The following NKAIN2 variants were observed in gnomAD, a reference collection of about 807,000 sequenced individuals.
NKAIN2 encodes the protein sodium/potassium transporting ATPase interacting 2.
A neutral mutation model predicts 32.6 loss-of-function variants in NKAIN2; 14 were observed. The observed-to-expected ratio is 0.43, with a 90% CI of 0.28 to 0.67. The LOEUF is 0.67. NKAIN2 is among the 30% of genes least tolerant of loss of function. NKAIN2 has a pLI of 0.17. For synonymous variants in NKAIN2, 80 were observed against 87.2 expected (o/e 0.92, Z 0.46); for missense variants, 198 against 258.3 (o/e 0.77, Z 1.60).
intron 3 of NKAIN2, among the ~76,000 whole-genome samples, chr6:124,555,712 AC>A (rs1205887918): frequency 6.6e-6 from 1 of 152,242 alleles, no homozygotes; most frequent in Non-Finnish European, 1.5e-5. Context: ...ACAGTAAAAT[AC>A]AAAAAATATA....
chr6:124,549,967 T>G (rs1024974655), intron 3 of NKAIN2, among the ~76,000 whole-genome samples: 11 of 152,214 alleles, frequency 7.2e-5, no homozygotes, highest in Non-Finnish European at 1.5e-4. Flanking sequence ...CTAACCGTTT[T>G]GGAGGAGATA....
At chr6:123,841,504 AG>A (rs1187649465) in intron 1 of NKAIN2, among the ~76,000 whole-genome samples, 36 of 152,344 alleles carry the variant, frequency 2.4e-4, no homozygotes, top group African/African-American at 8.2e-4. Flanking sequence ...TTATCACTGC[AG>A]GGACAAATTC....
intron 1 of NKAIN2, among the ~76,000 whole-genome samples, chr6:124,135,728 C>T (rs903833557): frequency 6.6e-6 from 1 of 151,840 alleles, no homozygotes; most frequent in African/African-American, 2.4e-5. Context: ...CCAAAAGGAA[C>T]CCTCAAACCT....
chr6:123,918,349 G>T (rs1439804961), intron 1 of NKAIN2, among the ~76,000 whole-genome samples: 1 of 152,154 alleles, frequency 6.6e-6, no homozygotes, highest in East Asian at 1.9e-4. Flanking sequence ...CACAAAAATT[G>T]AGGAAATACT....
At chr6:124,053,719 T>A (rs187209860) in intron 1 of NKAIN2, among the ~76,000 whole-genome samples, 1 of 152,180 alleles carries the variant, frequency 6.6e-6, no homozygotes, top group Admixed American at 6.6e-5. Context: ...GTGGTAATGT[T>A]TGAAATGGGT....
At chr6:124,598,785 G>A (rs1782195473) in intron 3 of NKAIN2, among the ~76,000 whole-genome samples, 1 of 152,006 alleles carries the variant, frequency 6.6e-6, no homozygotes, top group South Asian at 2.1e-4. Context: ...CAAAGCCATG[G>A]TTGGAACATA....
At chr6:124,533,773 A>T (rs1779615630) in intron 3 of NKAIN2, among the ~76,000 whole-genome samples, 9 of 152,192 alleles carry the variant, frequency 5.9e-5, no homozygotes, top group Admixed American at 5.9e-4. Context: ...CTAAGTAACA[A>T]ACCTTTATTT....
intron 1 of NKAIN2, among the ~76,000 whole-genome samples, chr6:124,064,942 G>A (rs1445898599): frequency 6.6e-6 from 1 of 152,100 alleles, no homozygotes; most frequent in Non-Finnish European, 1.5e-5. Flanking sequence ...CTCTGGGCTT[G>A]AATCTGGAGG....
At chr6:124,407,419 C>A (rs1773914642) in intron 3 of NKAIN2, among the ~76,000 whole-genome samples, 1 of 148,946 alleles carries the variant, frequency 6.7e-6, no homozygotes, top group African/African-American at 2.5e-5. Flanking sequence ...TTGTTCAATT[C>A]CCACCTATGA....
intron 4 of NKAIN2, among the ~76,000 whole-genome samples, chr6:124,744,554 C>T (rs538327273): frequency 7.8e-4 from 118 of 151,498 alleles, no homozygotes; most frequent in African/African-American, 2.1e-3. Context: ...CGGGGTAGGG[C>T]GAGATCTTAC....
intron 3 of NKAIN2, among the ~76,000 whole-genome samples, chr6:124,388,597 T>C (rs1583171369): frequency 6.6e-6 from 1 of 152,128 alleles, no homozygotes; most frequent in East Asian, 1.9e-4. Context: ...ACAATCAATT[T>C]TCATTATTTG....
chr6:124,807,729 T>G (rs2114849752), intron 5 of NKAIN2, among the ~76,000 whole-genome samples: 1 of 151,188 alleles, frequency 6.6e-6, no homozygotes, highest in South Asian at 2.1e-4. Context: ...TCAACAAAAT[T>G]GATAGACCGC....
intron 3 of NKAIN2, among the ~76,000 whole-genome samples, chr6:124,414,044 A>C (rs1562168843): frequency 6.6e-6 from 1 of 151,566 alleles, no homozygotes. Context: ...ATTACATTGC[A>C]CTAATTAGAA....
intron 1 of NKAIN2, among the ~76,000 whole-genome samples, chr6:124,275,399 C>T: frequency 6.6e-6 from 1 of 152,050 alleles, no homozygotes. Context: ...AAATGCACTT[C>T]TTGTCTCTAT....
intron 3 of NKAIN2, among the ~76,000 whole-genome samples, chr6:124,624,366 C>G (rs371769457): frequency 3.6e-4 from 55 of 152,190 alleles, no homozygotes; most frequent in African/African-American, 1.3e-3. Flanking sequence ...AGATTGGGAA[C>G]CTCCATCAGG....
chr6:124,534,025 G>A (rs536163070), intron 3 of NKAIN2, among the ~76,000 whole-genome samples: 1 of 152,154 alleles, frequency 6.6e-6, no homozygotes, highest in Non-Finnish European at 1.5e-5. Flanking sequence ...TAGAGGTTAG[G>A]ATTTCAACGT....
intron 5 of NKAIN2, among the ~76,000 whole-genome samples, chr6:124,814,495 A>G (rs555342336): frequency 6.6e-6 from 1 of 152,314 alleles, no homozygotes; most frequent in East Asian, 1.9e-4. Context: ...TACCCAGGCC[A>G]TCAGCATGGT....
At chr6:124,309,594 T>C (rs1796638247) in intron 2 of NKAIN2, among the ~76,000 whole-genome samples, 1 of 152,138 alleles carries the variant, frequency 6.6e-6, no homozygotes, top group Non-Finnish European at 1.5e-5. Flanking sequence ...TTACTTGCAA[T>C]GTATGTCTTT....
At chr6:124,568,200 A>G (rs1460169330) in intron 3 of NKAIN2, among the ~76,000 whole-genome samples, 1 of 152,228 alleles carries the variant, frequency 6.6e-6, no homozygotes, top group African/African-American at 2.4e-5. Context: ...GCACAGAAAG[A>G]TACATAGCAA....
Sources: allele counts gnomAD v4.1 joint callset (sites outside exome capture counted in the v4.1 genomes callset), GRCh38; gene constraint gnomAD v4.1.1; transcripts MANE v1.5; gene names NCBI Gene and HGNC (gene_info 2026-07-23, HGNC 2026-07-21).